Variants in SNX8 observed in about 807,000 individuals in gnomAD.
SNX8 encodes the protein sorting nexin-8.
A neutral mutation model predicts 51.6 loss-of-function variants in SNX8; 25 were observed. The ratio of observed to expected loss-of-function variants is 0.48; its 90% confidence interval spans 0.35 to 0.68. The LOEUF (loss-of-function observed/expected upper bound fraction) is 0.68, where lower values mean the gene tolerates loss of function less well. Among genes scored for constraint, SNX8 ranks in the 30% least tolerant of loss-of-function variants. The pLI, the probability that SNX8 is intolerant of heterozygous loss-of-function variation, is 0.00. For synonymous variants in SNX8, 324 were observed against 277.0 expected (o/e 1.17, Z -1.68); for missense variants, 695 against 624.0 (o/e 1.11, Z -1.21).
At chr7:2,270,629 G>T (rs556350887) in intron 4 of SNX8, among the ~76,000 whole-genome samples, 2 of 151,994 alleles carry the variant, frequency 1.3e-5, no homozygotes, top group Non-Finnish European at 2.9e-5. Flanking sequence ...TCCTCTGCTG[G>T]CAATGCAGAT....
In SNX8 at chr7:2,332,230, T is replaced by G. The variant is rs1295782796; in HGVS notation, c.-66+21992A>C. ...TCAGAAAAAAATATATATATATGTA[T>G]ATATAATATATACACATATATAATA... On this transcript the variant is annotated intron_variant, in intron 1 of 5. Coordinates refer to the SNX8 transcript ENST00000435336. 2.0e-5 allele frequency among the ~76,000 whole-genome samples: 3 copies of G among 149,796 alleles called. No individual in the cohort carries two copies. The East Asian group carries it at 5.8e-4, about 29-fold the overall frequency.
chr7:2,300,015 G>A (rs921868168), intron 1 of SNX8, among the ~76,000 whole-genome samples: 6 of 152,172 alleles, frequency 3.9e-5, no homozygotes, highest in African/African-American at 7.2e-5. Flanking sequence ...AACAAGGAAC[G>A]CAATTAATCA....
intron 4 of SNX8, among the ~76,000 whole-genome samples, chr7:2,271,434 A>G (rs921708681): frequency 1.3e-5 from 2 of 152,212 alleles, no homozygotes; most frequent in Non-Finnish European, 2.9e-5. Context: ...ATGTACAACA[A>G]GTTAATTCCC....
upstream of SNX8, among the ~76,000 whole-genome samples, chr7:2,315,623 C>A (rs1300612597): frequency 6.6e-6 from 1 of 150,578 alleles, no homozygotes; most frequent in African/African-American, 2.4e-5. Flanking sequence ...ACTGCTTCTT[C>A]GTACATTCAT....
intron 1 of SNX8, among the ~76,000 whole-genome samples, chr7:2,302,829 C>A (rs1796433564): frequency 6.6e-6 from 1 of 151,548 alleles, no homozygotes; most frequent in Non-Finnish European, 1.5e-5. Flanking sequence ...CTCTGCCCGG[C>A]CGCCCCGTCT....
intron 1 of SNX8, among the ~76,000 whole-genome samples, chr7:2,292,434 C>T (rs1348148224): frequency 4.0e-5 from 6 of 148,836 alleles, no homozygotes; most frequent in Admixed American, 1.3e-4. Flanking sequence ...TTTTTTAAGA[C>T]GGAGTCTTGC....
rs371734888 is a variant in SNX8, at chr7:2,271,941, C to G, written c.449G>C (p.Arg150Thr). ...CAGGTTGACGAAGCGCTTCAGGGCT[C>G]TCCTCCTGGCCTCGATGAACTCCCT... ...ADREFIEARR[R>T]ALKRFVNLVA... The change falls in exon 4 of 11, where the codon AGA becomes ACA. Residue 150 changes from arginine (R) to threonine (T), a missense_variant. Arg to Thr is a moderately conservative substitution (Grantham distance 71, BLOSUM62 -1). Coordinates refer to ENST00000222990, the MANE Select transcript of SNX8 (RefSeq NM_013321.4). 1.9e-5 allele frequency: 31 copies of G among 1,614,018 alleles called. No homozygotes were observed. Among genetic ancestry groups the G allele is most frequent in the Non-Finnish European group, 2.3e-5 (27 of 1,180,034 alleles).
intron 1 of SNX8, among the ~76,000 whole-genome samples, chr7:2,296,741 G>C (rs1796281096): frequency 6.6e-6 from 1 of 151,796 alleles, no homozygotes; most frequent in South Asian, 2.1e-4. Flanking sequence ...GACCAGCCTA[G>C]CCAACATGGT....
rs541498678 is a variant in SNX8 at position 2,334,307 on chromosome 7, G to A, written c.-66+19915C>T. Among the ~76,000 whole-genome samples, 6 of 152,188 alleles carry A rather than the reference G, an allele frequency of 3.9e-5. No individual in the cohort carries two copies. In the East Asian group the frequency reaches 9.7e-4, roughly 25 times the overall value. On this transcript the variant is annotated intron_variant, in intron 1 of 5. Coordinates refer to the SNX8 transcript ENST00000435336. ...AGTCCCAGCTACTTGGCAGGCTGAG[G>A]CAGGAGAATCACTTGAACCCGGGAG...
At chr7:2,332,856 AAGAGAG>A (rs561980365) in intron 1 of SNX8, among the ~76,000 whole-genome samples, 1 of 150,908 alleles carries the variant, frequency 6.6e-6, no homozygotes, top group Non-Finnish European at 1.5e-5. Flanking sequence ...GGGAGGGAAA[AAGAGAG>A]AGAGAGAAAG....
chr7:2,318,714 A>G (rs986440717), upstream of SNX8, among the ~76,000 whole-genome samples: 1 of 151,652 alleles, frequency 6.6e-6, no homozygotes, highest in South Asian at 2.1e-4. Flanking sequence ...AAAAAAATTT[A>G]AAATTAATTG....
chr7:2,283,775 G>C (rs1054817749), intron 1 of SNX8, among the ~76,000 whole-genome samples: 2 of 152,196 alleles, frequency 1.3e-5, no homozygotes, highest in African/African-American at 4.8e-5. Flanking sequence ...CAACAGGAGG[G>C]CTGGGGTGGG....
At chr7:2,316,705 GCAAC>G (rs1796763988), upstream of SNX8, among the ~76,000 whole-genome samples, 1 of 119,712 alleles carries the variant, frequency 8.4e-6, no homozygotes, top group African/African-American at 3.3e-5. Flanking sequence ...ATTCATTCAT[GCAAC>G]CACTCACTCA....
At chr7:2,284,799 A>G (rs1025550166) in intron 1 of SNX8, among the ~76,000 whole-genome samples, 13 of 152,156 alleles carry the variant, frequency 8.5e-5, no homozygotes, top group Admixed American at 2.6e-4. Flanking sequence ...CAGTCCGCAG[A>G]TGTCTTCAAT....
intron 1 of SNX8, chr7:2,309,889 G>A (rs1015100235): frequency 4.2e-5 from 20 of 470,822 alleles, no homozygotes; most frequent in Admixed American, 3.8e-4. Context: ...GAAGGCTCGG[G>A]GCAGGGGTGA....
chr7:2,342,323 T>C (rs1396768759), intron 1 of SNX8, among the ~76,000 whole-genome samples: 2 of 151,918 alleles, frequency 1.3e-5, no homozygotes, highest in African/African-American at 2.4e-5. Flanking sequence ...ACTGATTGCA[T>C]GTATTAGTAA....
At chr7:2,304,305 G>T in intron 1 of SNX8, among the ~76,000 whole-genome samples, 1 of 152,106 alleles carries the variant, frequency 6.6e-6, no homozygotes, top group African/African-American at 2.4e-5. Context: ...AGCACTTTGG[G>T]AGGCCAAGGT....
chr7:2,303,016 T>C (rs909965758), intron 1 of SNX8, among the ~76,000 whole-genome samples: 9 of 140,494 alleles, frequency 6.4e-5, no homozygotes, highest in African/African-American at 2.5e-4. Flanking sequence ...GAGGTGGGGG[T>C]CAGCCCCCGC....
At chr7:2,339,024 A>G (rs995111428) in intron 1 of SNX8, among the ~76,000 whole-genome samples, 4 of 151,762 alleles carry the variant, frequency 2.6e-5, no homozygotes, top group Admixed American at 6.6e-5. Flanking sequence ...TGATCCTCCA[A>G]CCTCAGCCTC....
Sources: allele counts gnomAD v4.1 joint callset (sites outside exome capture counted in the v4.1 genomes callset), GRCh38; gene constraint gnomAD v4.1.1; transcripts MANE v1.5; gene names NCBI Gene and HGNC (gene_info 2026-07-23, HGNC 2026-07-21).